Variants in ZNF446 observed in about 807,000 individuals in gnomAD.
ZNF446 encodes zinc finger protein 446.
A neutral mutation model predicts 34.0 loss-of-function variants in ZNF446; 42 were observed. The observed-to-expected ratio is 1.23, with a 90% CI of 0.96 to 1.60. ZNF446 has a LOEUF of 1.60. Among genes scored for constraint, ZNF446 ranks in the 40% most tolerant of loss-of-function variants. The probability of loss-of-function intolerance (pLI) is 0.00; values close to 1 mark genes in which losing one functional copy is unlikely to be tolerated. For synonymous variants in ZNF446, 315 were observed against 251.0 expected (o/e 1.25, Z -2.41); for missense variants, 650 against 600.2 (o/e 1.08, Z -0.87).
At position 58,477,150 on chromosome 19, in the gene ZNF446, C is replaced by T. The variant is rs991734202; in HGVS notation, c.-40-29C>T. ...CCTTCCCCTGGCCAGATTCTCTTGG[C>T]TGACATTCCGACCCTTCCTTTTCTG... On this transcript the variant is annotated intron_variant, in intron 1 of 6. Coordinates refer to ENST00000594369, the MANE Select transcript of ZNF446 (RefSeq NM_017908.4). 1.1e-4 allele frequency: 159 copies of T among 1,395,178 alleles called. 4 individuals carry two copies. The highest frequency in any genetic ancestry group is 1.1e-4 in the Non-Finnish European group (118 of 1,036,666). The allele number at this position is 1,395,178 out of a possible 1,614,324, so 86.4% of individuals were successfully genotyped here. A position where few individuals can be genotyped will look rare whatever the true frequency, so the allele number is the denominator to read the frequency against.
Position 58,480,383 on chromosome 19 carries a change from G to A in ZNF446, c.1010G>A (p.Cys337Tyr). ...TPRKPYTCEQ[C>Y]GRGFDWKSVF... ...AGGAAGCCCTACACGTGCGAGCAGT[G>A]TGGCCGCGGCTTCGACTGGAAGTCA... Residue 337 changes from cysteine to tyrosine, a missense_variant, in exon 7 of 7, where the codon TGT becomes TAT. Cys to Tyr is a radical substitution (Grantham distance 194). Coordinates refer to ENST00000594369, the MANE Select transcript of ZNF446 (RefSeq NM_017908.4). The surrounding 1 kb of genome is among the most constrained non-coding windows in gnomAD (Gnocchi z 7.2). 1.9e-6 allele frequency: 3 copies of A among 1,611,188 alleles called. No homozygotes were observed. The highest frequency in any genetic ancestry group is 1.3e-5 in the African/African-American group (1 of 75,040).
rs757146500 is a variant in ZNF446, at chr19:58,477,649, G to A, written c.355G>A (p.Val119Ile). 1.9e-6 allele frequency: 3 copies of A among 1,613,846 alleles called. No homozygotes were observed. The highest frequency in any genetic ancestry group is 2.5e-6 in the Non-Finnish European group (3 of 1,180,028). Residue 119 changes from valine to isoleucine, a missense_variant, in exon 3 of 7, where the codon GTC becomes ATC. Transcript: ENST00000594369. The stretch of plus-strand genomic sequence containing the variant: ...CTCTTCTCCTCAGATCACAGCCCAT[G>A]TCCTGAAGCAGGAGGTGCTCCCTGC... ...GQLLGWITAH[V>I]LKQEVLPAAQ...
chr19:58,479,839 C>A, intron 5 of ZNF446, 91 bp from the exon 6 acceptor site: 1 of 1,413,194 alleles, frequency 7.1e-7, no homozygotes. Flanking sequence ...GCTCTCCCAC[C>A]TTCCAGAGGA....
At chr19:58,485,356 A>G (rs2053163718), downstream of ZNF446, among the ~76,000 whole-genome samples, 1 of 151,736 alleles carries the variant, frequency 6.6e-6, no homozygotes. Flanking sequence ...AAAAAAAAAA[A>G]AAAATTAGCC....
In ZNF446 at chr19:58,480,322, C is replaced by A. The variant is rs757783766; in HGVS notation, c.949C>A (p.Pro317Thr). 8.2e-6 allele frequency: 13 copies of A among 1,586,604 alleles called. No individual in the cohort carries two copies. In the South Asian group the frequency reaches 1.2e-4, roughly 15 times the overall value. The change falls in exon 7 of 7, where the codon CCT (proline) becomes ACT (threonine). Residue 317 changes from proline (P) to threonine (T), a missense_variant. Transcript: ENST00000594369. The surrounding 1 kb of genome is among the most constrained non-coding windows in gnomAD (Gnocchi z 7.2). ...GTPPVPTQPT[P>T]AETRLEPAAT... ...ACCGCCAGTGCCCACTCAGCCCACACCTGCAGAGACGAGACTGGAGCCGGC... is the reference window on the plus strand; with the variant it reads ...ACCGCCAGTGCCCACTCAGCCCACAACTGCAGAGACGAGACTGGAGCCGGC...
rs746548375 is a variant in ZNF446, at chr19:58,477,856, G to A, written c.532+30G>A. Reference sequence around the variant, plus strand: ...GGTTGGGGTCCCACCAGAGATGAGGGACTCCTGGAGGAAGTGTGGACATTC... The same window carrying A: ...GGTTGGGGTCCCACCAGAGATGAGGAACTCCTGGAGGAAGTGTGGACATTC... On this transcript the variant is annotated intron_variant, in intron 3 of 6. Transcript: ENST00000594369. 6 of 1,500,196 alleles carry A rather than the reference G, an allele frequency of 4.0e-6. No homozygotes were observed. In the Admixed American group the frequency reaches 1.2e-4, roughly 30 times the overall value. 92.9% of individuals were successfully genotyped at this position (1,500,196 alleles called of 1,614,324 possible).
chr19:58,480,961 A>T lies in ZNF446; in HGVS notation c.*235A>T. 1 of 568,924 alleles carries T rather than the reference A, an allele frequency of 1.8e-6. No individual in the cohort carries two copies. Among genetic ancestry groups the T allele is most frequent in the South Asian group, 2.3e-5 (1 of 43,640 alleles). The allele number at this position is 568,924 out of a possible 1,614,324, so 35.2% of individuals were successfully genotyped here. A position where few individuals can be genotyped will look rare whatever the true frequency, so the allele number is the denominator to read the frequency against. Reference sequence around the variant, plus strand: ...TAGAGGGAGGTCTGGGTTCCCTTCTATGGCTGACCAGTGCCTGTGGGGTGA... The same window carrying T: ...TAGAGGGAGGTCTGGGTTCCCTTCTTTGGCTGACCAGTGCCTGTGGGGTGA... On this transcript the variant is annotated 3_prime_UTR_variant, in exon 7 of 7. Transcript: ENST00000594369. The surrounding 1 kb of genome is among the most constrained non-coding windows in gnomAD (Gnocchi z 7.2).
rs1600012601 is a variant in ZNF446, at chr19:58,480,605, T to G, written c.1232T>G (p.Val411Gly). The stretch of plus-strand genomic sequence containing the variant: ...AGCTTCAGCTGGAAGTCGCAGCTGG[T>G]CATCCACCGCAAGAGCCACACAGGC... ...GCSFSWKSQLVIHRKSHTGQR... is the reference protein window; with the variant it reads ...GCSFSWKSQLGIHRKSHTGQR... The change falls in exon 7 of 7, where the codon GTC becomes GGC. Residue 411 changes from valine (V) to glycine (G), a missense_variant. Val to Gly is a moderately radical substitution (Grantham distance 109). Coordinates refer to ENST00000594369, the MANE Select transcript of ZNF446 (RefSeq NM_017908.4). The surrounding 1 kb of genome is among the most constrained non-coding windows in gnomAD (Gnocchi z 7.2). 6.2e-7 allele frequency: 1 copy of G among 1,612,500 alleles called. No individual in the cohort carries two copies. Among genetic ancestry groups the G allele is most frequent in the Non-Finnish European group, 8.5e-7 (1 of 1,179,926 alleles).
chr19:58,481,706 T>G (rs1181451463), downstream of ZNF446, among the ~76,000 whole-genome samples: 1 of 152,222 alleles, frequency 6.6e-6, no homozygotes, highest in Non-Finnish European at 1.5e-5. Context: ...ACTTGGCAGC[T>G]TGAAACAACA....
At chr19:58,478,303 G>A in intron 4 of ZNF446, 122 bp downstream of exon 4, 1 of 883,058 alleles carries the variant, frequency 1.1e-6, no homozygotes, top group East Asian at 2.7e-5. Context: ...CCCAGAAGTG[G>A]AGTCTGTAAA....
At chr19:58,489,446 C>A in the ZNF446 span, among the ~76,000 whole-genome samples, 1 of 152,130 alleles carries the variant, frequency 6.6e-6, no homozygotes, top group Non-Finnish European at 1.5e-5. Flanking sequence ...CTGGCTTCCC[C>A]CAACCCACCA....
In ZNF446 at chr19:58,477,801, G is replaced by C; in HGVS notation, c.507G>C (p.Glu169Asp). Residue 169 changes from glutamate to aspartate, a missense_variant, in exon 3 of 7, where the codon GAG becomes GAC. Transcript: ENST00000594369. ...SVQLSCSVKEEPNVDGQEVAP... is the reference protein window; with the variant it reads ...SVQLSCSVKEDPNVDGQEVAP... ...AGCTCAGCTGCAGTGTGAAGGAGGA[G>C]CCCAATGTCGATGGACAGGAAGTGG... 1 of 1,576,042 alleles carries C rather than the reference G, an allele frequency of 6.3e-7. No individual in the cohort carries two copies. Among genetic ancestry groups the C allele is most frequent in the Non-Finnish European group, 8.6e-7 (1 of 1,163,438 alleles).
At position 58,479,708 on chromosome 19, in the gene ZNF446, C is replaced by A. The variant is rs140158663; in HGVS notation, c.693C>A (p.Tyr231Ter). 2 of 1,613,166 alleles carry A rather than the reference C, an allele frequency of 1.2e-6. No homozygotes were observed. The highest frequency in any genetic ancestry group is 1.3e-5 in the African/African-American group (1 of 74,862). ...ELYWDAMLEK[Y>*]GTVVSLGLPP... ...ACTGGGATGCGATGCTGGAGAAGTA[C>A]GGCACAGTGGTCTCCCTGGGTGAGG... is the stretch of plus-strand genomic sequence containing the variant. Residue 231 changes from tyrosine to a stop codon, truncating the protein, a stop_gained, in exon 5 of 7, where the codon TAC (tyrosine) becomes TAA (stop). Transcript: ENST00000594369. LOFTEE classifies it high-confidence loss of function.
rs769439515 is a variant in ZNF446 at position 58,477,512 on chromosome 19, T to A, written c.294T>A (p.Ala98=). The change falls in exon 2 of 7, where the codon GCT becomes GCA. Residue 98 remains alanine (A), a synonymous_variant. Coordinates refer to ENST00000594369, the MANE Select transcript of ZNF446 (RefSeq NM_017908.4). ...GQRPGSPEEA[A]ALVEGLQHDP... The stretch of plus-strand genomic sequence containing the variant: ...GGCCAGGCAGTCCTGAGGAGGCCGC[T>A]GCCCTAGTCGAAGGACTGCAGCATG... 1 of 1,613,048 alleles carries A rather than the reference T, an allele frequency of 6.2e-7. No homozygotes were observed. Among genetic ancestry groups the A allele is most frequent in the East Asian group, 2.2e-5 (1 of 44,866 alleles).
Position 58,477,242 on chromosome 19 carries a change from A to G in ZNF446, c.24A>G (p.Pro8=), listed in dbSNP as rs764035446. 2 of 1,587,228 alleles carry G rather than the reference A, an allele frequency of 1.3e-6. No individual in the cohort carries two copies. The highest frequency in any genetic ancestry group is 1.7e-6 in the Non-Finnish European group (2 of 1,164,336). MPSPLGP[P]CLPVMDPETT... Reference sequence around the variant, plus strand: ...GAATGCCATCCCCTCTGGGTCCCCCATGCCTGCCCGTCATGGACCCAGAGA... The same window carrying G: ...GAATGCCATCCCCTCTGGGTCCCCCGTGCCTGCCCGTCATGGACCCAGAGA... Residue 8 remains proline (P), a synonymous_variant, in exon 2 of 7, where the codon CCA becomes CCG. Coordinates refer to ENST00000594369, the MANE Select transcript of ZNF446 (RefSeq NM_017908.4).
At chr19:58,478,291 TTCCC>T (rs1235091524) in intron 4 of ZNF446, 110 bp downstream of exon 4, 78 of 968,294 alleles carry the variant, frequency 8.1e-5, no homozygotes, top group Non-Finnish European at 1.2e-4. Flanking sequence ...GGCTCTTTGC[TTCCC>T]AGAAGTGGAG....
chr19:58,482,302 A>G (rs539120985), downstream of ZNF446, among the ~76,000 whole-genome samples: 1 of 151,876 alleles, frequency 6.6e-6, no homozygotes, highest in Non-Finnish European at 1.5e-5. Flanking sequence ...TGGCCTCCTT[A>G]AGGACCCTCA....
In ZNF446 at chr19:58,481,107, C is replaced by T. The variant is rs1762039760; in HGVS notation, c.*381C>T. 4.1e-6 allele frequency: 1 copy of T among 242,458 alleles called. No homozygotes were observed. The allele number at this position is 242,458 out of a possible 1,614,324, so 15.0% of individuals were successfully genotyped here. ...AACTGTGCCTTCCCACTCGTCTGTG[C>T]AGAGGCTGGGCCTGAGGTCTCAGTG... On this transcript the variant is annotated 3_prime_UTR_variant, in exon 7 of 7. Coordinates refer to ENST00000594369, the MANE Select transcript of ZNF446 (RefSeq NM_017908.4).
At chr19:58,489,219 G>A in the ZNF446 span, among the ~76,000 whole-genome samples, 8 of 152,128 alleles carry the variant, frequency 5.3e-5, no homozygotes, top group East Asian at 1.2e-3. Context: ...TAGGAGTCAC[G>A]CAGCTGGAGG....
Sources: allele counts gnomAD v4.1 joint callset (sites outside exome capture counted in the v4.1 genomes callset), GRCh38; gene constraint gnomAD v4.1.1; non-coding constraint Gnocchi (gnomAD v3.1); transcripts MANE v1.5; gene names NCBI Gene and HGNC (gene_info 2026-07-23, HGNC 2026-07-21).